Variants in C1RL observed in about 807,000 individuals in gnomAD.
The protein encoded by C1RL is complement C1r subcomponent like.
C1RL carries 27 observed loss-of-function variants against 27.9 expected under a neutral mutation model. The observed-to-expected ratio is 0.97, with a 90% CI of 0.71 to 1.33. The LOEUF is 1.33. Among genes scored for constraint, C1RL ranks in the 40% most tolerant of loss-of-function variants. The pLI is 0.00. For synonymous variants in C1RL, 248 were observed against 252.1 expected, an observed-to-expected ratio of 0.98 and a Z score of 0.15; for missense variants, 563 against 623.9, an observed-to-expected ratio of 0.90 and a Z score of 1.04.
At chr12:7,106,913 G>A (rs1938782469) in intron 2 of C1RL, among the ~76,000 whole-genome samples, 1 of 152,176 alleles carries the variant, frequency 6.6e-6, no homozygotes, top group South Asian at 2.1e-4. Flanking sequence ...TAGGTAAACT[G>A]GCAGAATGAG....
Position 7,095,394 on chromosome 12 carries a change from G to A in C1RL, c.*997C>T, listed in dbSNP as rs978010257. The stretch of plus-strand genomic sequence containing the variant: ...CTCCTAAGGTGTTGGGATTACAGGC[G>A]TGAGCCACTGCGCCCGGCCCATCAC... On this transcript the variant is annotated 3_prime_UTR_variant, in exon 6 of 6. Transcript: ENST00000266542. The A allele has an allele frequency of 1.4e-5, 14 of 1,009,550 alleles. No individual in the cohort carries two copies. The highest frequency in any genetic ancestry group is 4.9e-4 in the Middle Eastern group (1 of 2,024). The allele number at this position is 1,009,550 out of a possible 1,614,324, so 62.5% of individuals were successfully genotyped here. A position where few individuals can be genotyped will look rare whatever the true frequency, so the allele number is the denominator to read the frequency against.
At chr12:7,103,344 C>T (rs768992531) in intron 2 of C1RL, among the ~76,000 whole-genome samples, 1 of 152,276 alleles carries the variant, frequency 6.6e-6, no homozygotes, top group South Asian at 2.1e-4. Flanking sequence ...AGTCCTAAGA[C>T]CCTTAAATTC....
Position 7,097,925 on chromosome 12 carries a change from G to A in C1RL, c.692-762C>T, listed in dbSNP as rs773293404. Among the ~76,000 whole-genome samples, 6 of 152,272 alleles carry A rather than the reference G, an allele frequency of 3.9e-5. 1 individual carries two copies. Among genetic ancestry groups the A allele is most frequent in the Admixed American group, 3.9e-4 (6 of 15,304 alleles). On this transcript the variant is annotated intron_variant, in intron 5 of 5. Transcript: ENST00000266542. ...CCAAACCATCCCCAAAGCACTGCGA[G>A]TGTTCAGGCTACCCTTAGAGTTTTC...
intron 5 of C1RL, among the ~76,000 whole-genome samples, chr12:7,098,052 G>A (rs1357242742): frequency 1.3e-5 from 2 of 152,100 alleles, no homozygotes; most frequent in African/African-American, 4.8e-5. Context: ...CGGATCACGA[G>A]GTCAGGAGAT....
At chr12:7,108,076 T>C (rs1186073862) in intron 2 of C1RL, 175 bp downstream of exon 2, 1 of 485,612 alleles carries the variant, frequency 2.1e-6, no homozygotes, top group Non-Finnish European at 3.6e-6. Context: ...GAGGCGCTGG[T>C]GGGAGGCTGT....
Position 7,097,765 on chromosome 12 carries a change from C to T in C1RL, c.692-602G>A, listed in dbSNP as rs150190687. 2.8e-3 allele frequency among the ~76,000 whole-genome samples: 422 copies of T among 152,300 alleles called. 3 individuals carry two copies. Among genetic ancestry groups the T allele is most frequent in the Middle Eastern group, 0.014 (4 of 294 alleles). Reference sequence around the variant, plus strand: ...GGTTCTGCAGGGCTCTCCTTCCTGCCTCCTCAGAGGCATTAAAGCCATTCG... The same window carrying T: ...GGTTCTGCAGGGCTCTCCTTCCTGCTTCCTCAGAGGCATTAAAGCCATTCG... On this transcript the variant is annotated intron_variant, in intron 5 of 5. Transcript: ENST00000266542.
intron 2 of C1RL, among the ~76,000 whole-genome samples, chr12:7,105,764 ATACTC>A (rs1251823395): frequency 2.6e-5 from 4 of 152,238 alleles, no homozygotes; most frequent in Non-Finnish European, 5.9e-5. Flanking sequence ...AACAAGAACA[ATACTC>A]TATAAAAAGG....
In C1RL at chr12:7,096,411, C is replaced by A. The variant is rs752124992; in HGVS notation, c.1444G>T (p.Val482Leu). 5.0e-6 allele frequency: 8 copies of A among 1,607,434 alleles called. No individual in the cohort carries two copies. In the African/African-American group the frequency reaches 5.4e-5, roughly 11 times the overall value. The change falls in exon 6 of 6, where the codon GTG (valine) becomes TTG (leucine). Residue 482 changes from valine (V) to leucine (L), a missense_variant. Coordinates refer to ENST00000266542, the MANE Select transcript of C1RL (RefSeq NM_016546.4). The stretch of plus-strand genomic sequence containing the variant: ...CAGGGTCAATTCTTGCCATTCATCA[C>A]TCCCTTGATCCAGTCCACATAGCTG... ...VLSYVDWIKG[V>L]MNGKN
In C1RL at chr12:7,095,082, T is replaced by C. The variant is rs1938388362; in HGVS notation, c.*1309A>G. Reference sequence around the variant, plus strand: ...ATTTTCTATTTCCATTGAACAGTTGTATTTTATTTGTGTCTTTCACTGTAA... The same window carrying C: ...ATTTTCTATTTCCATTGAACAGTTGCATTTTATTTGTGTCTTTCACTGTAA... On this transcript the variant is annotated 3_prime_UTR_variant, in exon 6 of 6. Coordinates refer to ENST00000266542, the MANE Select transcript of C1RL (RefSeq NM_016546.4). 2 of 1,204,438 alleles carry C rather than the reference T, an allele frequency of 1.7e-6. No homozygotes were observed. The highest frequency in any genetic ancestry group is 3.8e-5 in the Admixed American group (1 of 26,322). The allele number at this position is 1,204,438 out of a possible 1,614,324, so 74.6% of individuals were successfully genotyped here. A position where few individuals can be genotyped will look rare whatever the true frequency, so the allele number is the denominator to read the frequency against.
At chr12:7,098,219 C>G (rs1938511974) in intron 5 of C1RL, 1 of 152,206 alleles carries the variant, frequency 6.6e-6, no homozygotes, top group African/African-American at 2.4e-5. Context: ...TGCAGTGAAC[C>G]GAGATCGCGC....
At chr12:7,108,966 G>GT (rs1938851318) in intron 1 of C1RL, 144 bp downstream of exon 1, 1 of 363,892 alleles carries the variant, frequency 2.7e-6, no homozygotes, top group Admixed American at 5.1e-5. Context: ...ATGTGGGGGA[G>GT]GTGTGTGTGT....
At chr12:7,109,009 T>TGTGGGGGGGGTAGG in intron 1 of C1RL, 101 bp downstream of exon 1, 2 of 352,828 alleles carry the variant, frequency 5.7e-6, no homozygotes, top group Non-Finnish European at 5.0e-6. Context: ...GGGATGTGTG[T>TGTGGGGGGGGTAGG]GTGGGGGGGG....
chr12:7,108,175 G>C, intron 2 of C1RL, 76 bp downstream of exon 2: 1 of 1,220,446 alleles, frequency 8.2e-7, no homozygotes, highest in Non-Finnish European at 1.1e-6. Context: ...GGGGATTCAG[G>C]GCACCGCCAC....
chr12:7,094,995 CCA>C lies in C1RL; in HGVS notation c.*1394_*1395del, dbSNP rs1451084378. On this transcript the variant is annotated 3_prime_UTR_variant, in exon 6 of 6. Coordinates refer to ENST00000266542, the MANE Select transcript of C1RL (RefSeq NM_016546.4). ...TTTTAGAGATAAATTTAACCTTTGA[CCA>C]TATAGCAACTTGACTCTTGATGCTA... The C allele has an allele frequency of 4.5e-6, 5 of 1,110,890 alleles. No individual in the cohort carries two copies. The African/African-American group carries it at 8.6e-5, about 19-fold the overall frequency. 68.8% of individuals were successfully genotyped at this position (1,110,890 alleles called of 1,614,324 possible).
Position 7,095,130 on chromosome 12 carries a change from TG to T in C1RL, c.*1260del, listed in dbSNP as rs938172239. On this transcript the variant is annotated 3_prime_UTR_variant, in exon 6 of 6. Transcript: ENST00000266542. ...TAAATCACCTCCAATCTTTTTTTTT[TG>T]GGGGGGATGAAGTCTTGGTCTGTCC... is the stretch of plus-strand genomic sequence containing the variant. 4.9e-6 allele frequency: 6 copies of T among 1,235,822 alleles called. No homozygotes were observed. Among genetic ancestry groups the T allele is most frequent in the Admixed American group, 5.8e-5 (2 of 34,252 alleles). The allele number at this position is 1,235,822 out of a possible 1,614,324, so 76.6% of individuals were successfully genotyped here. A position where few individuals can be genotyped will look rare whatever the true frequency, so the allele number is the denominator to read the frequency against.
chr12:7,108,984 TG>T, intron 1 of C1RL, 125 bp downstream of exon 1: 1 of 147,180 alleles, frequency 6.8e-6, no homozygotes, highest in Non-Finnish European at 1.1e-5. Flanking sequence ...TGTGTGTGTG[TG>T]TGTGGGGGGG....
rs7139078 is a variant in C1RL, at chr12:7,104,032, A to G, written c.301-1945T>C. Among the ~76,000 whole-genome samples the G allele has an allele frequency of 0.28, 42,846 of 152,142 alleles. 6,235 individuals carry two copies. Among genetic ancestry groups the G allele is most frequent in the Admixed American group, 0.38 (5,785 of 15,288 alleles). ...AATGGTACACATAACCAAGGACAAA[A>G]AAGGGAGAGAAGATGACAGCAGATG... On this transcript the variant is annotated intron_variant, in intron 2 of 5. Coordinates refer to ENST00000266542, the MANE Select transcript of C1RL (RefSeq NM_016546.4). This position sits in a 1 kb window ranked among gnomAD's most constrained non-coding sequence, Gnocchi z 5.4.
At position 7,096,688 on chromosome 12, in the gene C1RL, C is replaced by G. The variant is rs773674388; in HGVS notation, c.1167G>C (p.Leu389=). The G allele has an allele frequency of 6.9e-5, 112 of 1,613,992 alleles. No homozygotes were observed. The highest frequency in any genetic ancestry group is 8.6e-5 in the Non-Finnish European group (101 of 1,180,010). The part of the protein sequence containing the change: ...GMEMGWLTTE[L]KYSRLPVAPR... ...GAGCTACAGGCAGCCTCGAGTACTT[C>G]AGCTCAGTAGTTAGCCAGCCCATCT... Residue 389 remains leucine, a synonymous_variant, in exon 6 of 6, where the codon CTG becomes CTC. Coordinates refer to ENST00000266542, the MANE Select transcript of C1RL (RefSeq NM_016546.4).
In C1RL at chr12:7,108,496, G is replaced by A; in HGVS notation, c.72-17C>T. On this transcript the variant is annotated splice_polypyrimidine_tract_variant and intron_variant, in intron 1 of 5. Transcript: ENST00000266542. ...AGCCACCACCTGTGAGTTGGGGGGA[G>A]GGCAAGGTGGGGCCGCGCAGCTATG... 1 of 1,552,614 alleles carries A rather than the reference G, an allele frequency of 6.4e-7. No individual in the cohort carries two copies. The highest frequency in any genetic ancestry group is 1.8e-4 in the Middle Eastern group (1 of 5,476).
Sources: gnomAD v4.1 joint callset for allele counts (sites outside exome capture counted in the v4.1 genomes callset) on GRCh38, gnomAD v4.1.1 for gene constraint, Gnocchi (gnomAD v3.1) non-coding constraint, MANE v1.5 for transcripts, NCBI Gene and HGNC (gene_info 2026-07-23, HGNC 2026-07-21) for gene names.